CDH20: variants seen among roughly 807,000 people sequenced by gnomAD.
CDH20 encodes cadherin-20.
A neutral mutation model predicts 74.2 loss-of-function variants in CDH20; 29 were observed. That is an observed-to-expected ratio of 0.39 (90% CI 0.29 to 0.53). The LOEUF (loss-of-function observed/expected upper bound fraction) is 0.53, where lower values mean the gene tolerates loss of function less well. Ranked by LOEUF, CDH20 falls within the 20% of genes least tolerant of loss-of-function variation. The pLI, the probability that CDH20 is intolerant of heterozygous loss-of-function variation, is 0.69. For synonymous variants in CDH20, 469 were observed against 405.4 expected, an observed-to-expected ratio of 1.16 and a Z score of -1.88; for missense variants, 988 against 1,048.3, an observed-to-expected ratio of 0.94 and a Z score of 0.79.
chr18:61,548,015 TA>T (rs61110881), intron 10 of CDH20, among the ~76,000 whole-genome samples: 1 of 151,322 alleles, frequency 6.6e-6, no homozygotes, highest in Admixed American at 6.6e-5. Flanking sequence ...ACCAAAAAAA[TA>T]AAAAAAAAGT....
chr18:61,440,324 T>A (rs943297764), intron 1 of CDH20, among the ~76,000 whole-genome samples: 1 of 152,180 alleles, frequency 6.6e-6, no homozygotes, highest in Admixed American at 6.6e-5. Context: ...GCAACAGTCC[T>A]GGACCCTACC....
At chr18:61,527,910 C>T in intron 6 of CDH20, 57 bp from the exon 7 acceptor site, 5 of 1,572,036 alleles carry the variant, frequency 3.2e-6, no homozygotes, top group Non-Finnish European at 4.4e-6. Flanking sequence ...TGAACGTTGA[C>T]ATATTTTGAA....
At chr18:61,365,630 A>T (rs929007173) in intron 1 of CDH20, among the ~76,000 whole-genome samples, 6 of 152,098 alleles carry the variant, frequency 3.9e-5, no homozygotes, top group African/African-American at 1.4e-4. Flanking sequence ...GTTGTCAGTT[A>T]TGTATCAGAA....
At position 61,554,361 on chromosome 18, in the gene CDH20, C is replaced by T. The variant is rs1373942894; in HGVS notation, c.2072C>T (p.Ala691Val). The T allele has an allele frequency of 6.2e-7, 1 of 1,613,012 alleles. No individual in the cohort carries two copies. Among genetic ancestry groups the T allele is most frequent in the Non-Finnish European group, 8.5e-7 (1 of 1,179,712 alleles). ...AAMWNPREAQAGAAPKTRQDM... is the reference protein window; with the variant it reads ...AAMWNPREAQVGAAPKTRQDM... ...ATGTGGAACCCCCGGGAGGCGCAGG[C>T]GGGGGCCGCCCCCAAGACGCGGCAG... Residue 691 changes from alanine (A) to valine (V), a missense_variant, in exon 12 of 12, where the codon GCG becomes GTG. Physicochemically the swap from Ala to Val is moderately conservative, Grantham distance 64 (BLOSUM62 0). Transcript: ENST00000262717.
chr18:61,553,553 C>T (rs914468538), intron 11 of CDH20, among the ~76,000 whole-genome samples: 25 of 152,190 alleles, frequency 1.6e-4, no homozygotes, highest in African/African-American at 6.0e-4. Context: ...GCCACAACCA[C>T]CTCTTTAATG....
intron 1 of CDH20, among the ~76,000 whole-genome samples, chr18:61,397,511 A>T (rs1056395365): frequency 1.3e-5 from 2 of 151,924 alleles, no homozygotes; most frequent in African/African-American, 4.8e-5. Flanking sequence ...CCTCCATGTA[A>T]ATGTCACTTC....
At chr18:61,371,354 C>A (rs1052178617) in intron 1 of CDH20, among the ~76,000 whole-genome samples, 2 of 151,962 alleles carry the variant, frequency 1.3e-5, no homozygotes, top group African/African-American at 4.8e-5. Flanking sequence ...TGGTATCTGT[C>A]TTGAATTGTC....
At chr18:61,385,754 A>C (rs970410903) in intron 1 of CDH20, among the ~76,000 whole-genome samples, 1 of 151,932 alleles carries the variant, frequency 6.6e-6, no homozygotes, top group Non-Finnish European at 1.5e-5. Context: ...ACATGGTGAA[A>C]CCCCATCTCT....
rs899333065 is a variant in CDH20, at chr18:61,373,173, TG to T, written c.-153+39347del. On this transcript the variant is annotated intron_variant, in intron 1 of 11. Coordinates refer to ENST00000262717, the MANE Select transcript of CDH20 (RefSeq NM_031891.4). ...TGCATGATTTAGAATAAATGACAGA[TG>T]AAAAAAAAAAAGAATGTAATTCTAA... is the stretch of plus-strand genomic sequence containing the variant. Among the ~76,000 whole-genome samples, 23 of 151,160 alleles carry T rather than the reference TG, an allele frequency of 1.5e-4. 1 individual carries two copies. In the South Asian group the frequency reaches 2.3e-3, roughly 15 times the overall value.
In CDH20 at chr18:61,470,209, G is replaced by A. The variant is rs939643421; in HGVS notation, c.-152-20193G>A. Among the ~76,000 whole-genome samples, 24 of 152,228 alleles carry A rather than the reference G, an allele frequency of 1.6e-4. 1 individual carries two copies. The highest frequency in any genetic ancestry group is 1.2e-3 in the South Asian group (6 of 4,820). On this transcript the variant is annotated intron_variant, in intron 1 of 11. Transcript: ENST00000262717. ...GGGGGGTGTGGAGAAATCAGGGCTC[G>A]GTTAGCTGTGTGATTACAGGGTCGC... is the stretch of plus-strand genomic sequence containing the variant.
intron 6 of CDH20, among the ~76,000 whole-genome samples, chr18:61,509,207 C>A (rs936923133): frequency 6.6e-6 from 1 of 152,122 alleles, no homozygotes; most frequent in Non-Finnish European, 1.5e-5. Context: ...ACTCCCTGTA[C>A]CCCAATAACT....
At chr18:61,454,919 C>A (rs539320381) in intron 1 of CDH20, among the ~76,000 whole-genome samples, 2 of 152,198 alleles carry the variant, frequency 1.3e-5, no homozygotes, top group South Asian at 4.2e-4. Context: ...AAGCATCATG[C>A]GTGAGGCAAA....
intron 1 of CDH20, among the ~76,000 whole-genome samples, chr18:61,427,982 G>A (rs976020997): frequency 1.3e-5 from 2 of 152,170 alleles, no homozygotes; most frequent in African/African-American, 4.8e-5. Context: ...TGTCATGAGT[G>A]TTAAAGATAG....
intron 1 of CDH20, among the ~76,000 whole-genome samples, chr18:61,451,532 T>C (rs575038050): frequency 6.6e-6 from 1 of 152,096 alleles, no homozygotes; most frequent in Non-Finnish European, 1.5e-5. Flanking sequence ...ATTTATACTA[T>C]GGAAATCAGC....
intron 1 of CDH20, among the ~76,000 whole-genome samples, chr18:61,364,592 G>T (rs184642953): frequency 6.6e-6 from 1 of 152,172 alleles, no homozygotes; most frequent in East Asian, 1.9e-4. Flanking sequence ...GATTACAGGC[G>T]TGAGCCACTG....
At chr18:61,416,752 C>A (rs1409759056) in intron 1 of CDH20, among the ~76,000 whole-genome samples, 2 of 152,158 alleles carry the variant, frequency 1.3e-5, no homozygotes, top group Non-Finnish European at 2.9e-5. Context: ...GGCCTTACAG[C>A]CTTTTAGCTG....
At chr18:61,365,288 T>C (rs1910820817) in intron 1 of CDH20, among the ~76,000 whole-genome samples, 1 of 152,246 alleles carries the variant, frequency 6.6e-6, no homozygotes, top group Non-Finnish European at 1.5e-5. Context: ...ATTATTGGGT[T>C]AGACTACAAC....
intron 3 of CDH20, among the ~76,000 whole-genome samples, chr18:61,500,145 A>C: frequency 7.6e-6 from 1 of 132,036 alleles, no homozygotes; most frequent in African/African-American, 2.9e-5. Context: ...AAAAAAAAAA[A>C]AAAAGCAATG....
intron 1 of CDH20, among the ~76,000 whole-genome samples, chr18:61,435,722 TATAAC>T (rs1159997942): frequency 6.7e-6 from 1 of 149,940 alleles, no homozygotes; most frequent in Non-Finnish European, 1.5e-5. Context: ...TATATTAAAT[TATAAC>T]ATAAATATAA....
Sources: gnomAD v4.1 joint callset for allele counts (sites outside exome capture counted in the v4.1 genomes callset) on GRCh38, gnomAD v4.1.1 for gene constraint, MANE v1.5 for transcripts, NCBI Gene and HGNC (gene_info 2026-07-23, HGNC 2026-07-21) for gene names.